KLHL1: variants seen among roughly 807,000 people sequenced by gnomAD.
The protein encoded by KLHL1 is kelch-like protein 1.
A neutral mutation model predicts 77.7 loss-of-function variants in KLHL1; 47 were observed. The ratio of observed to expected loss-of-function variants is 0.60; its 90% CI spans 0.48 to 0.77. The LOEUF is 0.77. Ranked by LOEUF, KLHL1 falls within the 30% of genes least tolerant of loss-of-function variation. The probability of loss-of-function intolerance (pLI) is 0.00; values close to 1 mark genes in which losing one functional copy is unlikely to be tolerated. For synonymous variants in KLHL1, 360 were observed against 325.2 expected (o/e 1.11, Z -1.15); for missense variants, 925 against 910.8 (o/e 1.02, Z -0.20).
intron 1 of KLHL1, among the ~76,000 whole-genome samples, chr13:70,012,930 C>A (rs1885573751): frequency 6.6e-6 from 1 of 151,668 alleles, no homozygotes; most frequent in Admixed American, 6.6e-5. Context: ...AAATAAATAT[C>A]AAACTCTATA....
intron 1 of KLHL1, among the ~76,000 whole-genome samples, chr13:69,996,630 T>C (rs1266313686): frequency 6.6e-6 from 1 of 152,104 alleles, no homozygotes; most frequent in African/African-American, 2.4e-5. Context: ...CACTTCAATG[T>C]TTTGCTACAG....
intron 1 of KLHL1, among the ~76,000 whole-genome samples, chr13:70,052,556 A>T (rs923656145): frequency 2.0e-5 from 3 of 151,942 alleles, no homozygotes; most frequent in Admixed American, 2.0e-4. Flanking sequence ...ATTTTAATAA[A>T]ATGCCATATT....
At chr13:69,703,307 G>A (rs931320232) in intron 10 of KLHL1, among the ~76,000 whole-genome samples, 8 of 151,408 alleles carry the variant, frequency 5.3e-5, no homozygotes, top group Admixed American at 1.3e-4. Flanking sequence ...CTGTTGTACC[G>A]CTTTTTTGAA....
At chr13:69,944,825 T>C (rs1015133233) in intron 3 of KLHL1, among the ~76,000 whole-genome samples, 4 of 152,122 alleles carry the variant, frequency 2.6e-5, no homozygotes, top group Admixed American at 2.0e-4. Context: ...ACAAAGTTCA[T>C]GCAAAGGCAC....
At chr13:70,074,122 C>T (rs979659525) in intron 1 of KLHL1, among the ~76,000 whole-genome samples, 12 of 152,028 alleles carry the variant, frequency 7.9e-5, no homozygotes, top group South Asian at 2.1e-4. Flanking sequence ...CCACCTTGCC[C>T]GGCACCTTAA....
intron 4 of KLHL1, among the ~76,000 whole-genome samples, chr13:69,926,524 G>A (rs953393169): frequency 6.6e-6 from 1 of 152,024 alleles, no homozygotes; most frequent in African/African-American, 2.4e-5. Context: ...AATACTCTCT[G>A]AATTATCTGT....
intron 1 of KLHL1, among the ~76,000 whole-genome samples, chr13:70,068,411 G>T (rs1887065121): frequency 6.6e-6 from 1 of 152,170 alleles, no homozygotes; most frequent in Non-Finnish European, 1.5e-5. Flanking sequence ...CAGTGACACT[G>T]ATTAATGAAT....
At chr13:69,772,005 G>A (rs1336215847) in intron 7 of KLHL1, among the ~76,000 whole-genome samples, 1 of 151,974 alleles carries the variant, frequency 6.6e-6, no homozygotes, top group Non-Finnish European at 1.5e-5. Context: ...TGGCAGGAAT[G>A]CAGTGGCACA....
intron 7 of KLHL1, among the ~76,000 whole-genome samples, chr13:69,741,374 A>C (rs1324178344): frequency 6.6e-6 from 1 of 152,186 alleles, no homozygotes; most frequent in East Asian, 1.9e-4. Context: ...TACAATTTGA[A>C]GCCTGATTAT....
chr13:69,978,064 C>T (rs4559808), intron 1 of KLHL1, among the ~76,000 whole-genome samples: 91,969 of 151,830 alleles, frequency 0.61, 28,045 homozygotes, highest in Middle Eastern at 0.64. Context: ...TTCACAAGTT[C>T]GCAAATTACA....
At chr13:69,987,212 T>C (rs992894865) in intron 1 of KLHL1, among the ~76,000 whole-genome samples, 3 of 152,060 alleles carry the variant, frequency 2.0e-5, no homozygotes, top group African/African-American at 7.2e-5. Context: ...AAACCGATGG[T>C]ATTATTTCTG....
intron 7 of KLHL1, among the ~76,000 whole-genome samples, chr13:69,773,559 A>T (rs952160405): frequency 1.3e-5 from 2 of 151,974 alleles, no homozygotes; most frequent in African/African-American, 4.8e-5. Context: ...CTAAATATAT[A>T]ATCTTTTATT....
chr13:69,963,802 C>A (rs1278409627), intron 2 of KLHL1, among the ~76,000 whole-genome samples: 3 of 151,966 alleles, frequency 2.0e-5, no homozygotes, highest in Admixed American at 6.6e-5. Flanking sequence ...TTTTTGAAGT[C>A]GGCTTTAAGC....
At chr13:69,913,155 C>T (rs1357792968) in intron 4 of KLHL1, among the ~76,000 whole-genome samples, 1 of 152,146 alleles carries the variant, frequency 6.6e-6, no homozygotes, top group Non-Finnish European at 1.5e-5. Context: ...CAGATTAAGA[C>T]CTTTTTGTTT....
intron 5 of KLHL1, among the ~76,000 whole-genome samples, chr13:69,850,866 C>T (rs930184985): frequency 2.6e-5 from 4 of 151,612 alleles, no homozygotes; most frequent in South Asian, 2.1e-4. Context: ...TTATCCTTCA[C>T]GAGAACAATT....
chr13:69,791,624 A>G (rs1301156232), intron 7 of KLHL1, among the ~76,000 whole-genome samples: 2 of 152,184 alleles, frequency 1.3e-5, no homozygotes, highest in Non-Finnish European at 2.9e-5. Context: ...ATACAAAAAT[A>G]AACCCTCACA....
intron 6 of KLHL1, among the ~76,000 whole-genome samples, chr13:69,813,371 G>A (rs141347214): frequency 0.023 from 3,488 of 151,886 alleles, 131 homozygotes; most frequent in African/African-American, 0.08. Context: ...TACACCTAAT[G>A]TAAATAACGA....
At chr13:69,822,613 G>A (rs1435738784) in intron 6 of KLHL1, among the ~76,000 whole-genome samples, 3 of 152,052 alleles carry the variant, frequency 2.0e-5, no homozygotes, top group Non-Finnish European at 4.4e-5. Flanking sequence ...CACTTAAAAG[G>A]TATAGCTCCA....
At chr13:69,870,966 A>G (rs780716613) in intron 5 of KLHL1, among the ~76,000 whole-genome samples, 4 of 152,054 alleles carry the variant, frequency 2.6e-5, no homozygotes, top group Non-Finnish European at 4.4e-5. Context: ...CAGTGTCTCT[A>G]TAATTCTAGG....
Sources: gnomAD v4.1 joint callset for allele counts (sites outside exome capture counted in the v4.1 genomes callset) on GRCh38, gnomAD v4.1.1 for gene constraint, MANE v1.5 for transcripts, NCBI Gene and HGNC (gene_info 2026-07-23, HGNC 2026-07-21) for gene names.